Variants in LONP2 observed in about 807,000 individuals in gnomAD.
The protein encoded by LONP2 is lon protease homolog 2, peroxisomal.
A neutral mutation model predicts 85.6 loss-of-function variants in LONP2; 60 were observed. The ratio of observed to expected loss-of-function variants is 0.70; its 90% CI spans 0.57 to 0.87. LONP2 has a LOEUF of 0.87. Among genes scored for constraint, LONP2 ranks in the 40% least tolerant of loss-of-function variants. The probability of loss-of-function intolerance (pLI) is 0.00; values close to 1 mark genes in which losing one functional copy is unlikely to be tolerated. For missense variants in LONP2, 860 were observed against 1,063.5 expected (o/e 0.81, Z 2.66); for synonymous variants, 395 against 389.7 (o/e 1.01, Z -0.16).
intron 8 of LONP2, among the ~76,000 whole-genome samples, chr16:48,278,108 A>C (rs1972252770): frequency 1.3e-5 from 2 of 152,030 alleles, no homozygotes; most frequent in African/African-American, 4.8e-5. Flanking sequence ...AATGCTTTTC[A>C]CAGCAGGAGC....
chr16:48,270,679 A>G (rs942731208), intron 7 of LONP2, among the ~76,000 whole-genome samples: 2 of 152,228 alleles, frequency 1.3e-5, no homozygotes, highest in African/African-American at 2.4e-5. Flanking sequence ...GAAGTCTTTG[A>G]TAACAAACTT....
Position 48,356,512 on chromosome 16 carries a change from TAAAAAAAAAAA to T in LONP2, c.*4721_*4731del, listed in dbSNP as rs535516550. ...TGCCATGAAAATTGTATCCAGCAGC[TAAAAAAAAAAA>T]AAAAAAAAAAGACTACAGTTAGTCA... On this transcript the variant is annotated 3_prime_UTR_variant, in exon 15 of 15. Coordinates refer to ENST00000285737, the MANE Select transcript of LONP2 (RefSeq NM_031490.5). 2 of 82,060 alleles carry T rather than the reference TAAAAAAAAAAA, an allele frequency of 2.4e-5. No homozygotes were observed. Among genetic ancestry groups the T allele is most frequent in the East Asian group, 3.4e-4 (1 of 2,900 alleles). 5.1% of individuals were successfully genotyped at this position (82,060 alleles called of 1,614,324 possible).
chr16:48,328,138 T>C (rs1384228778), intron 11 of LONP2, among the ~76,000 whole-genome samples: 1 of 152,102 alleles, frequency 6.6e-6, no homozygotes, highest in Admixed American at 6.6e-5. Flanking sequence ...AAAGGCCAGG[T>C]ACAGTGGCTC....
downstream of LONP2, chr16:48,361,248 C>T (rs973829443): frequency 3.7e-6 from 1 of 272,180 alleles, no homozygotes. Context: ...CACACTCCCA[C>T]GCAAAAACAA....
intron 1 of LONP2, among the ~76,000 whole-genome samples, chr16:48,248,264 G>A (rs1428931684): frequency 6.6e-6 from 1 of 151,652 alleles, no homozygotes; most frequent in African/African-American, 2.4e-5. Context: ...TGGGATTACA[G>A]GCATGTGCCA....
downstream of LONP2, among the ~76,000 whole-genome samples, chr16:48,359,343 TAAA>T (rs1009918488): frequency 2.0e-5 from 3 of 152,228 alleles, no homozygotes; most frequent in Non-Finnish European, 4.4e-5. Flanking sequence ...AAATATGGAA[TAAA>T]AGTCACTTTT....
At chr16:48,266,959 A>G (rs981803584) in intron 6 of LONP2, among the ~76,000 whole-genome samples, 1 of 152,070 alleles carries the variant, frequency 6.6e-6, no homozygotes, top group African/African-American at 2.4e-5. Flanking sequence ...TGAAATAAAA[A>G]TATTTAATAA....
chr16:48,292,784 G>T (rs1972582919), intron 8 of LONP2, among the ~76,000 whole-genome samples: 1 of 152,114 alleles, frequency 6.6e-6, no homozygotes, highest in Non-Finnish European at 1.5e-5. Flanking sequence ...TCCTTTTTCT[G>T]TCCATAAATA....
At position 48,336,548 on chromosome 16, in the gene LONP2, C is replaced by T. The variant is rs904672231; in HGVS notation, c.1938+2190C>T. On this transcript the variant is annotated intron_variant, in intron 12 of 14. Transcript: ENST00000285737. ...CAGCAAAGGGAGATAGGGGTGGGGCCGTTTCATAGGATTTGGGTGGGTAGT... is the reference window on the plus strand; with the variant it reads ...CAGCAAAGGGAGATAGGGGTGGGGCTGTTTCATAGGATTTGGGTGGGTAGT... The T allele has an allele frequency of 2.2e-5, 9 of 414,138 alleles. No individual in the cohort carries two copies. In the East Asian group the frequency reaches 3.7e-4, roughly 17 times the overall value. 25.7% of individuals were successfully genotyped at this position (414,138 alleles called of 1,614,324 possible). A position where few individuals can be genotyped will look rare whatever the true frequency, so the allele number is the denominator to read the frequency against.
rs1672764172 is a variant in LONP2, at chr16:48,354,662, GTGTTTAGCATTC to G, written c.*2862_*2873del. 1 of 152,152 alleles carries G rather than the reference GTGTTTAGCATTC, an allele frequency of 6.6e-6. No individual in the cohort carries two copies. The highest frequency in any genetic ancestry group is 2.1e-4 in the South Asian group (1 of 4,830). The allele number at this position is 152,152 out of a possible 1,614,324, so 9.4% of individuals were successfully genotyped here. Reference sequence around the variant, plus strand: ...GGGATCAAACAAGAGTTGTCCTTTTGTGTTTAGCATTCTTACTTAGCAAGCCATCAACTGCTC... The same window carrying G: ...GGGATCAAACAAGAGTTGTCCTTTTGTTACTTAGCAAGCCATCAACTGCTC... On this transcript the variant is annotated 3_prime_UTR_variant, in exon 15 of 15. Transcript: ENST00000285737.
At chr16:48,330,594 G>A (rs955753826) in intron 11 of LONP2, among the ~76,000 whole-genome samples, 5 of 152,100 alleles carry the variant, frequency 3.3e-5, no homozygotes, top group Non-Finnish European at 7.3e-5. Context: ...CTTGTTGGTT[G>A]TTTGTTTTAT....
At chr16:48,262,712 T>TGATTTTTCTGTTATGG in intron 5 of LONP2, 66 bp from the exon 6 acceptor site, 1 of 1,020,048 alleles carries the variant, frequency 9.8e-7, no homozygotes, top group Non-Finnish European at 1.5e-6. Context: ...GAGCTGTGTT[T>TGATTTTTCTGTTATGG]GATTTTTCTG....
intron 12 of LONP2, among the ~76,000 whole-genome samples, chr16:48,343,180 C>G (rs1196649857): frequency 2.0e-5 from 3 of 152,118 alleles, no homozygotes; most frequent in Non-Finnish European, 4.4e-5. Context: ...GTAACAGAGC[C>G]TGCATCAGGA....
At chr16:48,283,827 T>A (rs1186561247) in intron 8 of LONP2, among the ~76,000 whole-genome samples, 1 of 152,200 alleles carries the variant, frequency 6.6e-6, no homozygotes, top group East Asian at 1.9e-4. Flanking sequence ...TTTTTAAGGC[T>A]ATTGCTCCCA....
At chr16:48,283,876 T>C (rs1406648935) in intron 8 of LONP2, among the ~76,000 whole-genome samples, 2 of 152,144 alleles carry the variant, frequency 1.3e-5, no homozygotes, top group African/African-American at 2.4e-5. Context: ...GCGAAGTACA[T>C]TGAAAACCCC....
At chr16:48,249,654 T>C (rs867886062) in intron 1 of LONP2, among the ~76,000 whole-genome samples, 2 of 152,074 alleles carry the variant, frequency 1.3e-5, no homozygotes, top group South Asian at 4.2e-4. Context: ...GATGGGAGGA[T>C]TGCTTGAGGC....
chr16:48,309,826 G>C (rs1972992317), intron 11 of LONP2, among the ~76,000 whole-genome samples: 1 of 151,916 alleles, frequency 6.6e-6, no homozygotes, highest in Non-Finnish European at 1.5e-5. Context: ...GTGGTTGTTG[G>C]GTAGAATGTT....
chr16:48,304,690 C>T (rs551620935), intron 11 of LONP2, among the ~76,000 whole-genome samples: 2 of 152,164 alleles, frequency 1.3e-5, no homozygotes, highest in African/African-American at 2.4e-5. Context: ...GGCAACGGAG[C>T]GAGACTCCAT....
intron 11 of LONP2, among the ~76,000 whole-genome samples, chr16:48,310,990 C>G (rs1973018454): frequency 6.6e-6 from 1 of 152,196 alleles, no homozygotes; most frequent in South Asian, 2.1e-4. Flanking sequence ...ATCCCCGTCT[C>G]TTCTGGCTTC....
Sources: gnomAD v4.1 joint callset for allele counts (sites outside exome capture counted in the v4.1 genomes callset) on GRCh38, gnomAD v4.1.1 for gene constraint, MANE v1.5 for transcripts, NCBI Gene and HGNC (gene_info 2026-07-23, HGNC 2026-07-21) for gene names.